The following SYT16 variants were observed in gnomAD, a reference collection of about 807,000 sequenced individuals.
The protein encoded by SYT16 is synaptotagmin 16.
A neutral mutation model predicts 61.4 loss-of-function variants in SYT16; 42 were observed. The ratio of observed to expected loss-of-function variants is 0.68; its 90% CI spans 0.53 to 0.89. SYT16 has a LOEUF of 0.89. Among genes scored for constraint, SYT16 ranks in the 40% least tolerant of loss-of-function variants. The pLI is 0.00. For synonymous variants in SYT16, 314 were observed against 302.3 expected, an observed-to-expected ratio of 1.04 and a Z score of -0.40; for missense variants, 804 against 807.3, an observed-to-expected ratio of 1.00 and a Z score of 0.05.
In SYT16 at chr14:62,022,661, A is replaced by G. The variant is rs182656466; in HGVS notation, c.523+26119A>G. Among the ~76,000 whole-genome samples the G allele has an allele frequency of 2.7e-3, 404 of 151,898 alleles. 1 individual carries two copies. The highest frequency in any genetic ancestry group is 3.7e-3 in the Non-Finnish European group (248 of 67,924). ...ACAGACATATGTATATATGTCATAC[A>G]CTATTTGTGCTTTTTTTACTATCCG... On this transcript the variant is annotated intron_variant, in intron 3 of 7. Coordinates refer to ENST00000683842, the MANE Select transcript of SYT16 (RefSeq NM_001367656.1).
At chr14:61,891,688 G>A (rs1210548243) in intron 1 of SYT16, among the ~76,000 whole-genome samples, 1 of 152,162 alleles carries the variant, frequency 6.6e-6, no homozygotes, top group East Asian at 1.9e-4. Context: ...GGAGTGATAG[G>A]GAAAAGAATG....
At chr14:62,057,587 T>A (rs2055622516) in intron 3 of SYT16, among the ~76,000 whole-genome samples, 1 of 152,192 alleles carries the variant, frequency 6.6e-6, no homozygotes, top group Non-Finnish European at 1.5e-5. Flanking sequence ...TGGGCTTCTT[T>A]CCTAGGTTTA....
intron 1 of SYT16, among the ~76,000 whole-genome samples, chr14:61,844,808 C>T (rs370863315): frequency 6.6e-6 from 1 of 152,104 alleles, no homozygotes; most frequent in East Asian, 1.9e-4. Context: ...AGGACCTTTG[C>T]ATCAATATTC....
chr14:61,862,010 A>G (rs760360145), intron 1 of SYT16, among the ~76,000 whole-genome samples: 3 of 152,220 alleles, frequency 2.0e-5, no homozygotes, highest in Non-Finnish European at 4.4e-5. Flanking sequence ...GGTTGCTACA[A>G]ACTTTCAATT....
intron 1 of SYT16, among the ~76,000 whole-genome samples, chr14:61,930,674 A>G (rs1566689699): frequency 6.6e-6 from 1 of 152,032 alleles, no homozygotes; most frequent in Non-Finnish European, 1.5e-5. Flanking sequence ...AAACTTGCTA[A>G]TCAACTGGCC....
chr14:62,001,971 A>G (rs888275740), intron 3 of SYT16, among the ~76,000 whole-genome samples: 1 of 151,974 alleles, frequency 6.6e-6, no homozygotes, highest in African/African-American at 2.4e-5. Flanking sequence ...CTTCATGTAC[A>G]TTCCCCCCTT....
chr14:61,959,331 T>G (rs1458032115), intron 1 of SYT16, among the ~76,000 whole-genome samples: 1 of 152,134 alleles, frequency 6.6e-6, no homozygotes, highest in African/African-American at 2.4e-5. Flanking sequence ...GTTCTCTTCT[T>G]CCTCTCTTTT....
At chr14:61,982,726 T>C (rs1055399788) in intron 2 of SYT16, among the ~76,000 whole-genome samples, 2 of 152,170 alleles carry the variant, frequency 1.3e-5, no homozygotes, top group African/African-American at 2.4e-5. Flanking sequence ...ATGGGAAGTT[T>C]TGAAGGATTT....
chr14:61,914,124 T>G (rs1016606678), intron 1 of SYT16, among the ~76,000 whole-genome samples: 2 of 152,174 alleles, frequency 1.3e-5, no homozygotes, highest in African/African-American at 4.8e-5. Context: ...AGTTATAATT[T>G]GTTCAGTTTG....
Position 61,816,315 on chromosome 14 carries a change from T to A in SYT16, c.-325+3505T>A, listed in dbSNP as rs1360386261. Among the ~76,000 whole-genome samples the A allele has an allele frequency of 3.3e-5, 5 of 152,242 alleles. No individual in the cohort carries two copies. In the East Asian group the frequency reaches 9.6e-4, roughly 29 times the overall value. On this transcript the variant is annotated intron_variant, in intron 1 of 7. Transcript: ENST00000683842. ...GAAGAGGGTGGGTGGGGGTCGGGGA[T>A]CAAATATAAGCCCTCAACAAGTCCA...
intron 2 of SYT16, among the ~76,000 whole-genome samples, chr14:61,994,947 A>G (rs952650802): frequency 6.6e-6 from 1 of 152,174 alleles, no homozygotes; most frequent in African/African-American, 2.4e-5. Flanking sequence ...TTATTGCTAT[A>G]CAAGATATTG....
intron 2 of SYT16, among the ~76,000 whole-genome samples, chr14:61,984,309 A>G (rs1057334229): frequency 1.3e-5 from 2 of 152,102 alleles, no homozygotes; most frequent in Admixed American, 1.3e-4. Flanking sequence ...ATTAATTTTA[A>G]TAACATTTTA....
chr14:61,909,683 A>G (rs2140377138), intron 1 of SYT16, among the ~76,000 whole-genome samples: 1 of 152,280 alleles, frequency 6.6e-6, no homozygotes, highest in East Asian at 1.9e-4. Context: ...TAGGGCATGG[A>G]GATATCTTTC....
At chr14:62,021,399 A>T (rs533620521) in intron 3 of SYT16, among the ~76,000 whole-genome samples, 1 of 152,166 alleles carries the variant, frequency 6.6e-6, no homozygotes, top group African/African-American at 2.4e-5. Flanking sequence ...GAGACATCTC[A>T]TGACCTGGGC....
intron 2 of SYT16, among the ~76,000 whole-genome samples, chr14:61,985,197 T>C (rs1595083015): frequency 1.3e-5 from 2 of 152,298 alleles, no homozygotes; most frequent in East Asian, 1.9e-4. Context: ...TGTGTAGCAA[T>C]AGTCACTTCA....
chr14:61,921,658 C>T (rs775357274), intron 1 of SYT16, among the ~76,000 whole-genome samples: 4 of 152,180 alleles, frequency 2.6e-5, no homozygotes, highest in Non-Finnish European at 5.9e-5. Flanking sequence ...GTAAAGGGCT[C>T]AGGAGCCACA....
intron 7 of SYT16, among the ~76,000 whole-genome samples, chr14:62,087,731 CCT>C (rs2056933504): frequency 6.6e-6 from 1 of 152,158 alleles, no homozygotes; most frequent in Non-Finnish European, 1.5e-5. Flanking sequence ...AACTTTTCCT[CCT>C]AAGTAAGACA....
At position 61,873,840 on chromosome 14, in the gene SYT16, A is replaced by G. The variant is rs554729451; in HGVS notation, c.-325+61030A>G. Among the ~76,000 whole-genome samples the G allele has an allele frequency of 3.9e-5, 6 of 152,330 alleles. No individual in the cohort carries two copies. In the South Asian group the frequency reaches 1.2e-3, roughly 32 times the overall value. On this transcript the variant is annotated intron_variant, in intron 1 of 7. Coordinates refer to ENST00000683842, the MANE Select transcript of SYT16 (RefSeq NM_001367656.1). The stretch of plus-strand genomic sequence containing the variant: ...CCCTGTGGTCTTTTAGGAAACCATA[A>G]CTGATGGCAGTTCTTTCTAGAGGTA...
At chr14:61,851,935 C>T (rs568818279) in intron 1 of SYT16, among the ~76,000 whole-genome samples, 50 of 152,186 alleles carry the variant, frequency 3.3e-4, no homozygotes, top group Non-Finnish European at 1.2e-4. Context: ...TTTTTGCTTT[C>T]GTTGCAATTG....
Sources: gnomAD v4.1 joint callset for allele counts (sites outside exome capture counted in the v4.1 genomes callset) on GRCh38, gnomAD v4.1.1 for gene constraint, MANE v1.5 for transcripts, NCBI Gene and HGNC (gene_info 2026-07-23, HGNC 2026-07-21) for gene names.